The following FAM83B variants were observed in gnomAD, a reference collection of about 807,000 sequenced individuals.
The protein encoded by FAM83B is scaffolding CK1 anchoring protein B.
FAM83B carries 26 observed loss-of-function variants against 38.8 expected under a neutral mutation model. The observed-to-expected ratio is 0.67, with a 90% confidence interval of 0.49 to 0.93. The LOEUF is 0.93. FAM83B is among the 40% of genes least tolerant of loss of function. The pLI, the probability that FAM83B is intolerant of heterozygous loss-of-function variation, is 0.00. For missense variants in FAM83B, 1,237 were observed against 1,197.3 expected (o/e 1.03, Z -0.49); for synonymous variants, 419 against 423.1 (o/e 0.99, Z 0.12).
intron 2 of FAM83B, among the ~76,000 whole-genome samples, chr6:54,914,215 A>G (rs1354524915): frequency 6.6e-6 from 1 of 152,156 alleles, no homozygotes; most frequent in African/African-American, 2.4e-5. Flanking sequence ...TGTGAACATC[A>G]GCAAAGTACT....
At chr6:54,850,738 C>T (rs957638210) in intron 1 of FAM83B, among the ~76,000 whole-genome samples, 4 of 152,020 alleles carry the variant, frequency 2.6e-5, no homozygotes, top group Non-Finnish European at 5.9e-5. Flanking sequence ...TATATTTTAA[C>T]GGCTGGAAAT....
chr6:54,925,672 T>C (rs1262425374), intron 2 of FAM83B, among the ~76,000 whole-genome samples: 1 of 152,182 alleles, frequency 6.6e-6, no homozygotes, highest in Admixed American at 6.6e-5. Flanking sequence ...TTGCAGATTT[T>C]TTTCAACCAA....
rs750001073 is a variant in FAM83B at position 54,940,471 on chromosome 6, C to T, written c.1500C>T (p.Tyr500=). The T allele has an allele frequency of 6.2e-7, 1 of 1,614,068 alleles. No homozygotes were observed. The highest frequency in any genetic ancestry group is 1.7e-5 in the Admixed American group (1 of 59,988). Residue 500 remains tyrosine (Y), a synonymous_variant, in exon 5 of 5, where the codon TAC becomes TAT. Transcript: ENST00000306858. ...TACGTAACTGGAGAATTGAATCCTA[C>T]TTAAATGATCATTCAGAAGCTACAC... ...SFLRNWRIES[Y]LNDHSEATPD...
chr6:54,875,896 A>G (rs1368095614), intron 2 of FAM83B, among the ~76,000 whole-genome samples: 4 of 152,218 alleles, frequency 2.6e-5, no homozygotes, highest in African/African-American at 9.6e-5. Context: ...TCGTGGTGCT[A>G]TACAGAGAGA....
intron 2 of FAM83B, among the ~76,000 whole-genome samples, chr6:54,906,422 T>C (rs1772777764): frequency 6.6e-6 from 1 of 152,224 alleles, no homozygotes; most frequent in African/African-American, 2.4e-5. Context: ...TCTCACTCTG[T>C]TGCCCAGGCT....
At position 54,870,233 on chromosome 6, in the gene FAM83B, A is replaced by G. The variant is rs1296281753; in HGVS notation, c.-14A>G. 2 of 1,602,382 alleles carry G rather than the reference A, an allele frequency of 1.2e-6. No individual in the cohort carries two copies. Among genetic ancestry groups the G allele is most frequent in the Non-Finnish European group, 1.7e-6 (2 of 1,170,818 alleles). ...ATGGACATTTGAAAGTGCCATAGCC[A>G]AACACTTGCAAGCATGGAGACCTCA... On this transcript the variant is annotated 5_prime_UTR_variant, in exon 2 of 5. Coordinates refer to ENST00000306858, the MANE Select transcript of FAM83B (RefSeq NM_001010872.3).
chr6:54,856,279 C>T (rs1211024337), intron 1 of FAM83B, among the ~76,000 whole-genome samples: 3 of 152,154 alleles, frequency 2.0e-5, no homozygotes, highest in Admixed American at 6.5e-5. Flanking sequence ...GTGGCCAAGT[C>T]GTCTCCCTCT....
chr6:54,894,803 T>C (rs1309097888), intron 2 of FAM83B, among the ~76,000 whole-genome samples: 1 of 152,116 alleles, frequency 6.6e-6, no homozygotes, highest in East Asian at 1.9e-4. Context: ...AAATCTGATA[T>C]TGTGGTTTTT....
chr6:54,922,190 T>C (rs1773187281), intron 2 of FAM83B, among the ~76,000 whole-genome samples: 1 of 152,076 alleles, frequency 6.6e-6, no homozygotes, highest in Admixed American at 6.6e-5. Context: ...ATCCTTTATG[T>C]ATCCTAGTAA....
intron 1 of FAM83B, among the ~76,000 whole-genome samples, chr6:54,868,677 C>G (rs16886099): frequency 0.048 from 7,337 of 152,130 alleles, 622 homozygotes; most frequent in African/African-American, 0.17. Flanking sequence ...TGCTGCCATC[C>G]CCAAAGTTCA....
intron 1 of FAM83B, among the ~76,000 whole-genome samples, chr6:54,847,777 G>C (rs1185674293): frequency 6.6e-6 from 1 of 152,120 alleles, no homozygotes; most frequent in Non-Finnish European, 1.5e-5. Context: ...GTCTATGCTC[G>C]GAGCGGTGAA....
intron 2 of FAM83B, among the ~76,000 whole-genome samples, chr6:54,910,886 C>T (rs1399591149): frequency 6.8e-6 from 1 of 146,378 alleles, no homozygotes; most frequent in Non-Finnish European, 1.5e-5. Context: ...TGTTTTTTTT[C>T]CCAAACATGG....
Position 54,940,050 on chromosome 6 carries a change from C to T in FAM83B, c.1079C>T (p.Pro360Leu). 6.2e-7 allele frequency: 1 copy of T among 1,613,914 alleles called. No homozygotes were observed. The highest frequency in any genetic ancestry group is 8.5e-7 in the Non-Finnish European group (1 of 1,179,948). Residue 360 changes from proline to leucine, a missense_variant, in exon 5 of 5, where the codon CCT becomes CTT. Coordinates refer to ENST00000306858, the MANE Select transcript of FAM83B (RefSeq NM_001010872.3). The stretch of plus-strand genomic sequence containing the variant: ...AACATAAGAAGTCACGGATACAAAC[C>T]TCATTTTGTTCCTAACTTTAATGGT... ...KYNIRSHGYK[P>L]HFVPNFNGPN...
In FAM83B at chr6:54,870,786, A is replaced by C. The variant is rs1047274208; in HGVS notation, c.444+96A>C. On this transcript the variant is annotated intron_variant, in intron 2 of 4. Transcript: ENST00000306858. ...TATGTATGTTAATAAAAGAATCTCT[A>C]TATGTATAGGCCATGCCTATTGTTT... 8 of 1,191,404 alleles carry C rather than the reference A, an allele frequency of 6.7e-6. No individual in the cohort carries two copies. In the African/African-American group the frequency reaches 1.1e-4, roughly 16 times the overall value. 73.8% of individuals were successfully genotyped at this position (1,191,404 alleles called of 1,614,324 possible).
chr6:54,891,554 T>G (rs747448537), intron 2 of FAM83B, among the ~76,000 whole-genome samples: 1 of 152,202 alleles, frequency 6.6e-6, no homozygotes, highest in Non-Finnish European at 1.5e-5. Flanking sequence ...TGATGTGGCC[T>G]GTCTTCTGAA....
chr6:54,862,841 G>A (rs1020194911), intron 1 of FAM83B, among the ~76,000 whole-genome samples: 19 of 151,126 alleles, frequency 1.3e-4, no homozygotes, highest in African/African-American at 2.2e-4. Flanking sequence ...CCGAGATCGC[G>A]CCATTGCACT....
intron 2 of FAM83B, among the ~76,000 whole-genome samples, chr6:54,913,447 T>C (rs1192241290): frequency 6.6e-6 from 1 of 152,002 alleles, no homozygotes; most frequent in Non-Finnish European, 1.5e-5. Context: ...ATTTTATAGA[T>C]GAGGAAATAG....
chr6:54,941,107 T>G lies in FAM83B; in HGVS notation c.2136T>G (p.Asn712Lys). Residue 712 changes from asparagine (N) to lysine (K), a missense_variant, in exon 5 of 5, where the codon AAT (asparagine) becomes AAG (lysine). Asn to Lys is a moderately conservative substitution (Grantham distance 94). Transcript: ENST00000306858. ...TGAAAAGTTCTAAAAGCATGCACAA[T>G]GTGACTCATAACTTGGAGGAGGATG... ...DLLKSSKSMH[N>K]VTHNLEEDEE... 6.2e-7 allele frequency: 1 copy of G among 1,613,678 alleles called. No individual in the cohort carries two copies. Among genetic ancestry groups the G allele is most frequent in the South Asian group, 1.1e-5 (1 of 90,966 alleles).
chr6:54,858,701 T>C (rs1771502706), intron 1 of FAM83B, among the ~76,000 whole-genome samples: 1 of 152,144 alleles, frequency 6.6e-6, no homozygotes, highest in African/African-American at 2.4e-5. Flanking sequence ...TAGTAATTTA[T>C]TTTTTTATGA....
Sources: allele counts gnomAD v4.1 joint callset (sites outside exome capture counted in the v4.1 genomes callset), GRCh38; gene constraint gnomAD v4.1.1; transcripts MANE v1.5; gene names NCBI Gene and HGNC (gene_info 2026-07-23, HGNC 2026-07-21).